RANBP17: variants seen among roughly 807,000 people sequenced by gnomAD.
RANBP17 encodes the protein ran-binding protein 17.
A neutral mutation model predicts 141.2 loss-of-function variants in RANBP17; 158 were observed. That is an observed-to-expected ratio of 1.12 (90% CI 0.98 to 1.28). RANBP17 has a LOEUF of 1.28. Among genes scored for constraint, RANBP17 ranks in the 50% most tolerant of loss-of-function variants. RANBP17 has a pLI of 0.00. For synonymous variants in RANBP17, 430 were observed against 450.0 expected, an observed-to-expected ratio of 0.96 and a Z score of 0.56; for missense variants, 1,438 against 1,290.7, an observed-to-expected ratio of 1.11 and a Z score of -1.75.
chr5:171,103,169 G>A (rs951467048), intron 14 of RANBP17, among the ~76,000 whole-genome samples: 3 of 152,172 alleles, frequency 2.0e-5, no homozygotes, highest in Non-Finnish European at 4.4e-5. Context: ...CGGCAGGCGG[G>A]CACATTTAAG....
intron 22 of RANBP17, among the ~76,000 whole-genome samples, chr5:171,229,366 C>T (rs1305540108): frequency 6.6e-6 from 1 of 152,194 alleles, no homozygotes; most frequent in Non-Finnish European, 1.5e-5. Context: ...CATCCATGCA[C>T]CTAACATTTG....
At chr5:170,961,078 C>T (rs1776119748) in intron 13 of RANBP17, among the ~76,000 whole-genome samples, 1 of 97,070 alleles carries the variant, frequency 1.0e-5, no homozygotes, top group African/African-American at 2.9e-5. Flanking sequence ...ACATGCTTTC[C>T]TTTTTGTCGC....
chr5:171,292,239 T>C (rs903057472), intron 25 of RANBP17, among the ~76,000 whole-genome samples: 11 of 152,212 alleles, frequency 7.2e-5, no homozygotes, highest in African/African-American at 2.7e-4. Flanking sequence ...AAATATGCAA[T>C]TGGCAGATTT....
chr5:170,919,865 G>A (rs1039680250), intron 11 of RANBP17, among the ~76,000 whole-genome samples: 5 of 151,290 alleles, frequency 3.3e-5, no homozygotes, highest in South Asian at 2.1e-4. Flanking sequence ...TCTGTTTTGT[G>A]TACCTGTAAT....
At position 171,282,351 on chromosome 5, in the gene RANBP17, T is replaced by G. The variant is rs191713030; in HGVS notation, c.2944-11532T>G. Among the ~76,000 whole-genome samples the G allele has an allele frequency of 4.8e-3, 737 of 152,318 alleles. 5 individuals are homozygous for G. The highest frequency in any genetic ancestry group is 0.017 in the African/African-American group (717 of 41,562). The stretch of plus-strand genomic sequence containing the variant: ...CTCAGAGTACTGGCAACAGAGCCAG[T>G]AAGATAGGACCCAAGAAGTGTCCTC... On this transcript the variant is annotated intron_variant, in intron 25 of 27. Transcript: ENST00000523189.
chr5:171,242,551 T>A, intron 23 of RANBP17, 131 bp from the exon 24 acceptor site: 1 of 905,716 alleles, frequency 1.1e-6, no homozygotes, highest in Non-Finnish European at 1.7e-6. Flanking sequence ...TGTCATTTGC[T>A]CTATATATTT....
intron 14 of RANBP17, among the ~76,000 whole-genome samples, chr5:171,136,925 A>C: frequency 6.6e-6 from 1 of 152,056 alleles, no homozygotes; most frequent in East Asian, 1.9e-4. Flanking sequence ...GGTTTCTCTC[A>C]GTTTTTGTCT....
Position 170,881,856 on chromosome 5 carries a change from C to T in RANBP17, c.216C>T (p.Ser72=). The change falls in exon 3 of 28, where the codon AGC becomes AGT. Residue 72 remains serine (S), a synonymous_variant. Coordinates refer to ENST00000523189, the MANE Select transcript of RANBP17 (RefSeq NM_022897.5). ...LAATCLSKLV[S]RVSPLPVEQR... ...CAACATGTCTTTCAAAACTTGTCAG[C>T]CGAGTCAGTCCTTTACCTGTTGAGC... 6.2e-7 allele frequency: 1 copy of T among 1,609,986 alleles called. No individual in the cohort carries two copies. The highest frequency in any genetic ancestry group is 1.1e-5 in the South Asian group (1 of 90,200).
In RANBP17 at chr5:171,153,173, T is replaced by C. The variant is rs759512048; in HGVS notation, c.1711-16957T>C. Among the ~76,000 whole-genome samples the C allele has an allele frequency of 2.6e-5, 4 of 152,318 alleles. No homozygotes were observed. The South Asian group carries it at 6.2e-4, about 24-fold the overall frequency. ...TGATTAGAGTGAGATGGTCAGACTT[T>C]ATGGTGACAGAAGGAGAGAAATTTT... On this transcript the variant is annotated intron_variant, in intron 14 of 27. Coordinates refer to ENST00000523189, the MANE Select transcript of RANBP17 (RefSeq NM_022897.5).
intron 1 of RANBP17, among the ~76,000 whole-genome samples, chr5:170,871,811 C>T (rs1767752894): frequency 1.3e-5 from 2 of 152,206 alleles, no homozygotes; most frequent in Non-Finnish European, 2.9e-5. Context: ...TCAGGTTTGT[C>T]GAAGATCAGA....
At chr5:171,224,729 C>G (rs1304925029) in intron 22 of RANBP17, among the ~76,000 whole-genome samples, 1 of 152,092 alleles carries the variant, frequency 6.6e-6, no homozygotes, top group African/African-American at 2.4e-5. Context: ...CAAAGAAAAG[C>G]CAGTAAGGAG....
intron 12 of RANBP17, among the ~76,000 whole-genome samples, chr5:170,939,338 T>C (rs1163841135): frequency 6.6e-6 from 1 of 151,732 alleles, no homozygotes; most frequent in Non-Finnish European, 1.5e-5. Context: ...TACATGGAAA[T>C]TGGTAAACTC....
In RANBP17 at chr5:171,147,339, TTGTGTGTGTGTGTGTGTGTGTG is replaced by T. The variant is rs59202388; in HGVS notation, c.1711-22770_1711-22749del. Among the ~76,000 whole-genome samples the T allele has an allele frequency of 6.7e-5, 7 of 104,850 alleles. No individual in the cohort carries two copies. The Admixed American group carries it at 7.8e-4, about 12-fold the overall frequency. 68.8% of individuals were successfully genotyped at this position (104,850 alleles called of 152,430 possible). A position where few individuals can be genotyped will look rare whatever the true frequency, so the allele number is the denominator to read the frequency against. ...ATGTAATCATCTTTTCTTGGTTGTT[TTGTGTGTGTGTGTGTGTGTGTG>T]TGTGTGTGTGTGTGTGTGTGGTTGT... On this transcript the variant is annotated intron_variant, in intron 14 of 27. Coordinates refer to ENST00000523189, the MANE Select transcript of RANBP17 (RefSeq NM_022897.5).
At chr5:170,878,337 A>C (rs1456535891) in intron 2 of RANBP17, 94 bp downstream of exon 2, 1 of 1,052,040 alleles carries the variant, frequency 9.5e-7, no homozygotes. Flanking sequence ...ACTGATAGAT[A>C]TTGCCACATG....
intron 22 of RANBP17, among the ~76,000 whole-genome samples, chr5:171,229,199 A>G (rs192340001): frequency 2.6e-4 from 39 of 152,340 alleles, no homozygotes; most frequent in Non-Finnish European, 4.9e-4. Flanking sequence ...TGGTTAAGGC[A>G]TATAATAACA....
intron 22 of RANBP17, among the ~76,000 whole-genome samples, chr5:171,223,508 A>G (rs1763697425): frequency 6.6e-6 from 1 of 152,018 alleles, no homozygotes; most frequent in Non-Finnish European, 1.5e-5. Context: ...GGTGGCGGGC[A>G]CCTGTAATCC....
intron 12 of RANBP17, among the ~76,000 whole-genome samples, chr5:170,930,482 A>G (rs942027043): frequency 2.0e-5 from 3 of 151,836 alleles, no homozygotes; most frequent in Non-Finnish European, 2.9e-5. Flanking sequence ...ACATATGTAT[A>G]CATGTGCCAT....
chr5:171,213,227 C>T (rs1317003008), intron 20 of RANBP17, among the ~76,000 whole-genome samples: 2 of 151,822 alleles, frequency 1.3e-5, no homozygotes, highest in African/African-American at 2.4e-5. Context: ...TAGTATAGTA[C>T]CCAAGAAACT....
At chr5:170,967,812 ATATT>A (rs1156293245) in intron 13 of RANBP17, among the ~76,000 whole-genome samples, 1 of 151,710 alleles carries the variant, frequency 6.6e-6, no homozygotes, top group Non-Finnish European at 1.5e-5. Context: ...TGACCTCAAA[ATATT>A]TAATTATTTA....
Sources: gnomAD v4.1 joint callset for allele counts (sites outside exome capture counted in the v4.1 genomes callset) on GRCh38, gnomAD v4.1.1 for gene constraint, MANE v1.5 for transcripts, NCBI Gene and HGNC (gene_info 2026-07-23, HGNC 2026-07-21) for gene names.